SUPT3H: variants seen among roughly 807,000 people sequenced by gnomAD.
SUPT3H encodes the protein SPT3 homolog, SAGA and STAGA complex component.
Under a neutral mutation model 44.3 loss-of-function variants are expected in SUPT3H, and 44 were observed. The ratio of observed to expected loss-of-function variants is 0.99; its 90% CI spans 0.78 to 1.28. The LOEUF (loss-of-function observed/expected upper bound fraction) is 1.28, where lower values mean the gene tolerates loss of function less well. Among genes scored for constraint, SUPT3H ranks in the 50% most tolerant of loss-of-function variants. SUPT3H has a pLI of 0.00. For synonymous variants in SUPT3H, 124 were observed against 125.6 expected (o/e 0.99, Z 0.09); for missense variants, 380 against 387.1 (o/e 0.98, Z 0.15).
intron 2 of SUPT3H, among the ~76,000 whole-genome samples, chr6:45,239,619 G>A (rs1181253361): frequency 6.6e-6 from 1 of 152,154 alleles, no homozygotes; most frequent in African/African-American, 2.4e-5. Context: ...CTCACTTTGG[G>A]CTACATGCCA....
At chr6:45,319,103 C>T (rs576997744) in intron 2 of SUPT3H, among the ~76,000 whole-genome samples, 4 of 152,112 alleles carry the variant, frequency 2.6e-5, no homozygotes, top group Non-Finnish European at 5.9e-5. Flanking sequence ...AATCTGCCCT[C>T]ACATTAAATG....
intron 3 of SUPT3H, among the ~76,000 whole-genome samples, chr6:45,103,564 G>A (rs1798882268): frequency 6.6e-6 from 1 of 151,924 alleles, no homozygotes; most frequent in Admixed American, 6.6e-5. Context: ...TATTAGACAT[G>A]GCAGAAAAAA....
intron 2 of SUPT3H, among the ~76,000 whole-genome samples, chr6:45,160,969 G>A (rs115605046): frequency 0.022 from 3,364 of 152,120 alleles, 137 homozygotes; most frequent in African/African-American, 0.076. Flanking sequence ...TCATGGGGGC[G>A]GATCCCTCAT....
intron 10 of SUPT3H, among the ~76,000 whole-genome samples, chr6:44,839,066 G>A (rs1770457682): frequency 6.6e-6 from 1 of 152,260 alleles, no homozygotes; most frequent in African/African-American, 2.4e-5. Context: ...TAAATGACAA[G>A]ATCCGAGTTG....
At chr6:45,143,043 G>C (rs1173931249) in intron 2 of SUPT3H, among the ~76,000 whole-genome samples, 2 of 151,942 alleles carry the variant, frequency 1.3e-5, no homozygotes, top group Non-Finnish European at 2.9e-5. Context: ...TAACACTGGA[G>C]CTCCCAAGTT....
intron 2 of SUPT3H, among the ~76,000 whole-genome samples, chr6:45,106,346 G>A (rs1583570134): frequency 6.6e-6 from 1 of 152,176 alleles, no homozygotes; most frequent in South Asian, 2.1e-4. Context: ...GTGGGGGGAT[G>A]GCTTGAGCCC....
chr6:45,177,245 C>G (rs1477161672), intron 2 of SUPT3H, among the ~76,000 whole-genome samples: 1 of 152,164 alleles, frequency 6.6e-6, no homozygotes, highest in Non-Finnish European at 1.5e-5. Flanking sequence ...GAGCTGAAAA[C>G]CAAGGCTCAA....
At chr6:45,376,410 G>A (rs1291167800) in intron 1 of SUPT3H, among the ~76,000 whole-genome samples, 1 of 151,950 alleles carries the variant, frequency 6.6e-6, no homozygotes, top group Non-Finnish European at 1.5e-5. Context: ...GCCACATGTG[G>A]GTATTTAAAC....
intron 2 of SUPT3H, among the ~76,000 whole-genome samples, chr6:45,342,502 A>G (rs993109300): frequency 6.6e-6 from 1 of 151,918 alleles, no homozygotes; most frequent in Admixed American, 6.6e-5. Context: ...CTCGTAATCC[A>G]CCCGCCTTGG....
intron 5 of SUPT3H, among the ~76,000 whole-genome samples, chr6:45,005,624 C>T (rs1367245662): frequency 6.6e-6 from 1 of 151,030 alleles, no homozygotes; most frequent in Admixed American, 6.6e-5. Context: ...TCGCTTGAAC[C>T]CGGGATACAG....
At chr6:45,193,496 A>T (rs1815483918) in intron 2 of SUPT3H, among the ~76,000 whole-genome samples, 1 of 152,172 alleles carries the variant, frequency 6.6e-6, no homozygotes, top group Non-Finnish European at 1.5e-5. Flanking sequence ...TCCAGGGCCA[A>T]GCAGAGTCAG....
At chr6:44,990,331 T>C (rs1395265993) in intron 6 of SUPT3H, among the ~76,000 whole-genome samples, 13 of 152,124 alleles carry the variant, frequency 8.5e-5, no homozygotes, top group Admixed American at 8.5e-4. Context: ...GTTCCATTGG[T>C]CTCTGTGTCT....
At chr6:45,321,184 T>G (rs1432041148) in intron 2 of SUPT3H, among the ~76,000 whole-genome samples, 1 of 152,116 alleles carries the variant, frequency 6.6e-6, no homozygotes, top group African/African-American at 2.4e-5. Context: ...GTGAATAAAA[T>G]TTAAAGACTA....
At chr6:45,087,317 T>A (rs1424101563) in intron 3 of SUPT3H, among the ~76,000 whole-genome samples, 1 of 151,906 alleles carries the variant, frequency 6.6e-6, no homozygotes, top group Non-Finnish European at 1.5e-5. Flanking sequence ...AAATTTCAAG[T>A]TATTAAAAGT....
chr6:44,910,080 C>T (rs924416151), intron 10 of SUPT3H, among the ~76,000 whole-genome samples: 2 of 152,124 alleles, frequency 1.3e-5, no homozygotes, highest in Admixed American at 6.5e-5. Context: ...AACCCACTTC[C>T]CTTGCTCCAG....
intron 2 of SUPT3H, among the ~76,000 whole-genome samples, chr6:45,355,632 A>G (rs1228689610): frequency 1.3e-5 from 2 of 152,152 alleles, no homozygotes. Flanking sequence ...TTTATATTTA[A>G]TTACAAATTC....
At chr6:45,129,993 A>G (rs1294589339) in intron 2 of SUPT3H, among the ~76,000 whole-genome samples, 3 of 152,238 alleles carry the variant, frequency 2.0e-5, no homozygotes, top group Admixed American at 2.0e-4. Flanking sequence ...TGATCAAAAT[A>G]TTCTAAAGAT....
At chr6:45,321,187 A>G (rs1319566086) in intron 2 of SUPT3H, among the ~76,000 whole-genome samples, 1 of 152,132 alleles carries the variant, frequency 6.6e-6, no homozygotes, top group Non-Finnish European at 1.5e-5. Context: ...AATAAAATTT[A>G]AAGACTAAAA....
At chr6:45,277,462 G>A (rs1777210166) in intron 2 of SUPT3H, among the ~76,000 whole-genome samples, 1 of 152,116 alleles carries the variant, frequency 6.6e-6, no homozygotes, top group African/African-American at 2.4e-5. Flanking sequence ...GACAATCAGT[G>A]GGATGGATAC....
Sources: gnomAD v4.1 joint callset for allele counts (sites outside exome capture counted in the v4.1 genomes callset) on GRCh38, gnomAD v4.1.1 for gene constraint, MANE v1.5 for transcripts, NCBI Gene and HGNC (gene_info 2026-07-23, HGNC 2026-07-21) for gene names.